The following RNF175 variants were observed in gnomAD, a reference collection of about 807,000 sequenced individuals.
RNF175 encodes the protein ring finger protein 175.
In RNF175, 38 loss-of-function variants were observed where a neutral mutation model predicts 50.0. The observed-to-expected ratio is 0.76, with a 90% CI of 0.59 to 1.00. RNF175 has a LOEUF of 1.00. Among genes scored for constraint, RNF175 ranks in the 50% least tolerant of loss-of-function variants. RNF175 has a pLI of 0.00. For synonymous variants in RNF175, 155 were observed against 146.1 expected (o/e 1.06, Z -0.44); for missense variants, 388 against 409.6 (o/e 0.95, Z 0.46).
intron 7 of RNF175, chr4:153,715,282 C>T (rs1737834268): frequency 1.9e-6 from 1 of 529,454 alleles, no homozygotes; most frequent in East Asian, 3.5e-5. Flanking sequence ...ATACTGCCTT[C>T]CTGTCTATGT....
In RNF175 at chr4:153,739,885, C is replaced by T. The variant is rs111855441; in HGVS notation, c.246+8760G>A. Among the ~76,000 whole-genome samples, 48 of 152,146 alleles carry T rather than the reference C, an allele frequency of 3.2e-4. 2 individuals are homozygous for T. The highest frequency in any genetic ancestry group is 1.2e-3 in the African/African-American group (48 of 41,528). On this transcript the variant is annotated intron_variant, in intron 3 of 8. Transcript: ENST00000347063. The stretch of plus-strand genomic sequence containing the variant: ...TTCTTGGATTTGTGGTTTGGTGTCT[C>T]CTTAATCTTGAAAAATTATTGGTCA...
At chr4:153,735,555 C>A (rs1186517385) in intron 3 of RNF175, among the ~76,000 whole-genome samples, 1 of 152,124 alleles carries the variant, frequency 6.6e-6, no homozygotes, top group Non-Finnish European at 1.5e-5. Context: ...TTGACATACA[C>A]AAAGTACCTT....
At chr4:153,748,541 G>A in intron 3 of RNF175, 104 bp downstream of exon 3, 1 of 1,042,772 alleles carries the variant, frequency 9.6e-7, no homozygotes, top group Admixed American at 3.3e-5. Context: ...TTAAACCAAG[G>A]CAGTTCCTTC....
intron 3 of RNF175, among the ~76,000 whole-genome samples, chr4:153,748,124 C>T (rs1196898898): frequency 6.6e-6 from 1 of 152,206 alleles, no homozygotes; most frequent in Non-Finnish European, 1.5e-5. Flanking sequence ...TATTAGGCCC[C>T]ACCTCCCAGC....
intron 4 of RNF175, among the ~76,000 whole-genome samples, chr4:153,723,998 C>A (rs946922288): frequency 1.4e-4 from 22 of 152,202 alleles, no homozygotes; most frequent in South Asian, 2.1e-4. Context: ...ACCCAAAGAG[C>A]CCTCCCCTAG....
chr4:153,744,906 C>T (rs1322417310), intron 3 of RNF175, among the ~76,000 whole-genome samples: 1 of 152,090 alleles, frequency 6.6e-6, no homozygotes, highest in Non-Finnish European at 1.5e-5. Context: ...AATGAGATTC[C>T]CCTTTCTAAA....
At chr4:153,719,102 G>A (rs1404545628) in intron 6 of RNF175, among the ~76,000 whole-genome samples, 1 of 152,090 alleles carries the variant, frequency 6.6e-6, no homozygotes, top group Non-Finnish European at 1.5e-5. Context: ...TTTTCCTGAT[G>A]CTCTCCCTCC....
At chr4:153,756,902 C>T (rs112165401) in intron 1 of RNF175, among the ~76,000 whole-genome samples, 5 of 152,280 alleles carry the variant, frequency 3.3e-5, no homozygotes, top group African/African-American at 1.2e-4. Context: ...CAGGGTGTCC[C>T]CCTCCTCTGA....
intron 4 of RNF175, among the ~76,000 whole-genome samples, chr4:153,724,900 G>A (rs1046092835): frequency 2.0e-5 from 3 of 151,166 alleles, no homozygotes; most frequent in Admixed American, 1.3e-4. Flanking sequence ...AGTAGGCAGG[G>A]GTGAGCTACG....
chr4:153,716,063 C>CAAAAAAAAAAAA (rs35531787), intron 6 of RNF175, among the ~76,000 whole-genome samples: 2 of 94,190 alleles, frequency 2.1e-5, no homozygotes, highest in Non-Finnish European at 2.0e-5. Flanking sequence ...GACTCTGTCT[C>CAAAAAAAAAAAA]AAAAAAAAAA....
rs1011408538 is a variant in RNF175, at chr4:153,756,523, C to T, written c.66+3274G>A. 4.6e-5 allele frequency among the ~76,000 whole-genome samples: 7 copies of T among 152,180 alleles called. No homozygotes were observed. The East Asian group carries it at 9.6e-4, about 21-fold the overall frequency. ...TAACCAACCCTGTACCTCCAACCCA[C>T]TACTCTCCTGTTGACCCTACCTATA... On this transcript the variant is annotated intron_variant, in intron 1 of 8. Transcript: ENST00000347063.
At chr4:153,759,065 C>G (rs1740694440) in intron 1 of RNF175, among the ~76,000 whole-genome samples, 1 of 152,144 alleles carries the variant, frequency 6.6e-6, no homozygotes, top group Admixed American at 6.5e-5. Flanking sequence ...CCTCGTTTTA[C>G]GGATGGGATT....
intron 3 of RNF175, among the ~76,000 whole-genome samples, chr4:153,746,618 C>T (rs757795604): frequency 4.6e-5 from 7 of 152,106 alleles, no homozygotes; most frequent in Non-Finnish European, 1.0e-4. Context: ...TGCTGCATGC[C>T]CATAGCTCTC....
chr4:153,744,908 C>T (rs187501256), intron 3 of RNF175, among the ~76,000 whole-genome samples: 60 of 152,284 alleles, frequency 3.9e-4, no homozygotes, highest in Admixed American at 2.6e-3. Flanking sequence ...TGAGATTCCC[C>T]TTTCTAAAGA....
intron 3 of RNF175, among the ~76,000 whole-genome samples, chr4:153,742,272 CAAA>C (rs34991607): frequency 7.7e-5 from 8 of 103,914 alleles, no homozygotes; most frequent in African/African-American, 2.4e-4. Context: ...GCTTCTGTTC[CAAA>C]AAAAAAAAAA....
intron 3 of RNF175, among the ~76,000 whole-genome samples, chr4:153,731,685 G>GAGGAAGGA (rs200209706): frequency 3.4e-4 from 50 of 148,582 alleles, no homozygotes; most frequent in East Asian, 1.2e-3. Context: ...GGGAGGGAGG[G>GAGGAAGGA]AGGAAGGAAG....
chr4:153,746,381 A>G (rs192667146), intron 3 of RNF175, among the ~76,000 whole-genome samples: 2 of 152,318 alleles, frequency 1.3e-5, no homozygotes, highest in Admixed American at 6.5e-5. Flanking sequence ...TTGCCCCCCC[A>G]TGGCTTTGCT....
At chr4:153,759,730 C>G in intron 1 of RNF175, 67 bp downstream of exon 1, 1 of 1,107,798 alleles carries the variant, frequency 9.0e-7, no homozygotes, top group Non-Finnish European at 1.2e-6. Flanking sequence ...TGCAGCCTGC[C>G]CGGCACCAGC....
At chr4:153,718,802 T>C (rs376935795) in intron 6 of RNF175, among the ~76,000 whole-genome samples, 15 of 152,250 alleles carry the variant, frequency 9.9e-5, no homozygotes, top group African/African-American at 3.4e-4. Context: ...CTGCAGGCTT[T>C]AGGAAAAGAG....
Sources: gnomAD v4.1 joint callset for allele counts (sites outside exome capture counted in the v4.1 genomes callset) on GRCh38, gnomAD v4.1.1 for gene constraint, MANE v1.5 for transcripts, NCBI Gene and HGNC (gene_info 2026-07-23, HGNC 2026-07-21) for gene names.